Variants in KANSL2 observed in about 807,000 individuals in gnomAD.
KANSL2 encodes KAT8 regulatory NSL complex subunit 2, also known as NSL complex protein NSL2.
KANSL2 carries 34 observed loss-of-function variants against 55.6 expected under a neutral mutation model. The ratio of observed to expected loss-of-function variants is 0.61; its 90% CI spans 0.46 to 0.81. KANSL2 has a LOEUF of 0.81. Among genes scored for constraint, KANSL2 ranks in the 40% least tolerant of loss-of-function variants. The pLI is 0.00. For missense variants in KANSL2, 502 were observed against 609.9 expected, an observed-to-expected ratio of 0.82 and a Z score of 1.86; for synonymous variants, 209 against 214.3, an observed-to-expected ratio of 0.98 and a Z score of 0.22.
At chr12:48,669,036 T>C (rs1055042958) in intron 6 of KANSL2, 70 bp downstream of exon 6, 5 of 1,247,192 alleles carry the variant, frequency 4.0e-6, no homozygotes, top group Admixed American at 3.2e-5. Context: ...AGTGCGAGAC[T>C]CCGTCTCGAA....
intron 4 of KANSL2, among the ~76,000 whole-genome samples, chr12:48,672,358 T>C (rs934111103): frequency 6.8e-6 from 1 of 146,274 alleles, no homozygotes; most frequent in South Asian, 2.1e-4. Context: ...CACATATACA[T>C]ATATACATGT....
intron 7 of KANSL2, chr12:48,661,129 G>A: frequency 9.5e-6 from 4 of 422,472 alleles, no homozygotes; most frequent in Non-Finnish European, 1.3e-5. Context: ...ACTGGAATAG[G>A]GGGAAACAGA....
intron 4 of KANSL2, among the ~76,000 whole-genome samples, chr12:48,673,011 G>C (rs4760739): frequency 3.3e-5 from 5 of 151,636 alleles, no homozygotes; most frequent in African/African-American, 9.7e-5. Context: ...TTCCAGCCTC[G>C]GCCTCCCAAA....
Position 48,679,637 on chromosome 12 carries a change from A to C in KANSL2, c.430+18T>G. 6.2e-7 allele frequency: 1 copy of C among 1,606,920 alleles called. No individual in the cohort carries two copies. Among genetic ancestry groups the C allele is most frequent in the Non-Finnish European group, 8.5e-7 (1 of 1,175,838 alleles). On this transcript the variant is annotated intron_variant, in intron 3 of 9. Transcript: ENST00000420613. ...AACTTTCTTCCTCCTTTTTCATTCC[A>C]GGAGAGAAGGTCCTTACCTAGTATT...
intron 1 of KANSL2, 26 bp downstream of exon 1, chr12:48,682,161 T>C (rs1565611380): frequency 1.4e-6 from 1 of 700,202 alleles, no homozygotes; most frequent in East Asian, 2.7e-5. Context: ...CGCAAGAGCT[T>C]AGAGGAAAGA....
At chr12:48,655,779 G>A (rs1048622427) in intron 8 of KANSL2, among the ~76,000 whole-genome samples, 2 of 151,900 alleles carry the variant, frequency 1.3e-5, no homozygotes, top group Non-Finnish European at 2.9e-5. Flanking sequence ...ACTTAAAAAC[G>A]GCCAGGTGCA....
intron 2 of KANSL2, among the ~76,000 whole-genome samples, chr12:48,680,401 G>A (rs1174074320): frequency 2.0e-5 from 3 of 152,064 alleles, no homozygotes; most frequent in South Asian, 4.2e-4. Context: ...TGTATTGCCT[G>A]GGTTGGTCTC....
At chr12:48,680,090 T>C (rs951691276) in intron 2 of KANSL2, 4 of 390,894 alleles carry the variant, frequency 1.0e-5, no homozygotes, top group East Asian at 4.8e-5. Flanking sequence ...GATTGGGTCT[T>C]GCTCTGTTGC....
At chr12:48,663,915 T>C (rs966288193) in intron 7 of KANSL2, among the ~76,000 whole-genome samples, 9 of 77,504 alleles carry the variant, frequency 1.2e-4, no homozygotes, top group Admixed American at 7.3e-4. Flanking sequence ...CTATTAGCCT[T>C]TTTTTTTTTT....
At chr12:48,664,639 T>C (rs1315807219) in intron 7 of KANSL2, among the ~76,000 whole-genome samples, 2 of 136,988 alleles carry the variant, frequency 1.5e-5, no homozygotes, top group Non-Finnish European at 3.1e-5. Flanking sequence ...TGGAGTGCAG[T>C]GGCGTGAACT....
intron 7 of KANSL2, among the ~76,000 whole-genome samples, chr12:48,661,033 C>A (rs544534553): frequency 1.3e-5 from 2 of 152,296 alleles, no homozygotes; most frequent in South Asian, 4.1e-4. Context: ...AATGTCTCTG[C>A]TCCCTTAGCA....
At chr12:48,670,358 G>GGC (rs1452127786) in intron 5 of KANSL2, among the ~76,000 whole-genome samples, 2 of 152,008 alleles carry the variant, frequency 1.3e-5, no homozygotes, top group Non-Finnish European at 2.9e-5. Context: ...AACAGCCTCA[G>GGC]GCAGTTCTCT....
intron 4 of KANSL2, among the ~76,000 whole-genome samples, chr12:48,676,589 C>T (rs1023407915): frequency 3.3e-5 from 5 of 151,886 alleles, no homozygotes; most frequent in Admixed American, 6.6e-5. Flanking sequence ...ACCCGGGAGG[C>T]GGAGGTTGCA....
Position 48,671,840 on chromosome 12 carries a change from C to T in KANSL2, c.668G>A (p.Arg223His), listed in dbSNP as rs766050901. Reference protein sequence around the residue: ...RLQHLLKEKKRRYLHNRKVEH... With the variant: ...RLQHLLKEKKHRYLHNRKVEH... ...CACTTTGCGATTATGTAAGTATCGGCGCTTCTTCTCCTTGAGCAGATGCTG... is the reference window on the plus strand; with the variant it reads ...CACTTTGCGATTATGTAAGTATCGGTGCTTCTTCTCCTTGAGCAGATGCTG... Residue 223 changes from arginine (R) to histidine (H), a missense_variant, in exon 5 of 10, where the codon CGC (arginine) becomes CAC (histidine). Physicochemically the swap from Arg to His is conservative, Grantham distance 29. Transcript: ENST00000420613. 6.2e-7 allele frequency: 1 copy of T among 1,612,786 alleles called. No individual in the cohort carries two copies. Among genetic ancestry groups the T allele is most frequent in the Non-Finnish European group, 8.5e-7 (1 of 1,179,258 alleles).
intron 7 of KANSL2, among the ~76,000 whole-genome samples, chr12:48,663,451 T>C (rs541792142): frequency 1.3e-5 from 2 of 152,286 alleles, no homozygotes; most frequent in South Asian, 4.1e-4. Flanking sequence ...TAATTTTCCT[T>C]ATTTCCTATT....
intron 4 of KANSL2, among the ~76,000 whole-genome samples, chr12:48,674,754 C>A (rs1291693949): frequency 6.6e-6 from 1 of 151,760 alleles, no homozygotes; most frequent in African/African-American, 2.4e-5. Flanking sequence ...GGCAAAACAG[C>A]CTCTCTACTA....
intron 4 of KANSL2, among the ~76,000 whole-genome samples, chr12:48,673,673 T>G (rs550662121): frequency 2.6e-5 from 4 of 151,886 alleles, no homozygotes; most frequent in Admixed American, 6.6e-5. Context: ...TGAGGCCAGG[T>G]GTGATAGCTC....
At chr12:48,666,023 G>T (rs1939591290) in intron 7 of KANSL2, among the ~76,000 whole-genome samples, 3 of 152,010 alleles carry the variant, frequency 2.0e-5, no homozygotes, top group Admixed American at 6.6e-5. Flanking sequence ...GACCAGCCTG[G>T]GAAACATAGT....
intron 9 of KANSL2, 161 bp from the exon 10 acceptor site, chr12:48,654,336 G>C (rs1260386209): frequency 8.1e-6 from 7 of 865,206 alleles, no homozygotes; most frequent in Admixed American, 5.1e-5. Flanking sequence ...CTAGTCCCTT[G>C]GAAGAGCCTA....
Sources: gnomAD v4.1 joint callset for allele counts (sites outside exome capture counted in the v4.1 genomes callset) on GRCh38, gnomAD v4.1.1 for gene constraint, MANE v1.5 for transcripts, NCBI Gene and HGNC (gene_info 2026-07-23, HGNC 2026-07-21) for gene names.